Variants in TMTC2 observed in about 807,000 individuals in gnomAD.
TMTC2 encodes transmembrane O-mannosyltransferase targeting cadherins 2, also known as protein O-mannosyl-transferase TMTC2.
Under a neutral mutation model 82.4 loss-of-function variants are expected in TMTC2, and 43 were observed. The ratio of observed to expected loss-of-function variants is 0.52; its 90% CI spans 0.41 to 0.67. The LOEUF (loss-of-function observed/expected upper bound fraction) is 0.67. Ranked by LOEUF, TMTC2 falls within the 30% of genes least tolerant of loss-of-function variation. The probability of loss-of-function intolerance (pLI) is 0.00; values close to 1 mark genes in which losing one functional copy is unlikely to be tolerated. For missense variants in TMTC2, 919 were observed against 1,012.4 expected (o/e 0.91, Z 1.25); for synonymous variants, 408 against 381.9 (o/e 1.07, Z -0.80).
At chr12:82,996,142 G>A (rs1253383973) in intron 8 of TMTC2, among the ~76,000 whole-genome samples, 1 of 152,156 alleles carries the variant, frequency 6.6e-6, no homozygotes, top group East Asian at 1.9e-4. Context: ...TTTTAACATA[G>A]CTACTGGTAA....
At chr12:83,127,902 C>T (rs553177155) in intron 11 of TMTC2, among the ~76,000 whole-genome samples, 21 of 152,194 alleles carry the variant, frequency 1.4e-4, no homozygotes, top group Admixed American at 3.3e-4. Flanking sequence ...AAATCCCTAG[C>T]GACTTAAAAA....
At chr12:82,948,928 A>G (rs1877188970) in intron 4 of TMTC2, among the ~76,000 whole-genome samples, 2 of 151,754 alleles carry the variant, frequency 1.3e-5, no homozygotes, top group South Asian at 2.1e-4. Context: ...GTGGACTTCC[A>G]TAGTGTATCA....
chr12:83,035,455 ATGGAC>A (rs1881623943), intron 9 of TMTC2, among the ~76,000 whole-genome samples: 1 of 152,176 alleles, frequency 6.6e-6, no homozygotes, highest in East Asian at 1.9e-4. Flanking sequence ...AAAGATTGAC[ATGGAC>A]TCCAAAAATG....
intron 11 of TMTC2, among the ~76,000 whole-genome samples, chr12:83,092,058 CA>C (rs1883864738): frequency 6.6e-6 from 1 of 152,162 alleles, no homozygotes; most frequent in Non-Finnish European, 1.5e-5. Flanking sequence ...TATCATTTTT[CA>C]GGGGAAGGGA....
At chr12:82,875,977 AGTT>A (rs1346997814) in intron 2 of TMTC2, among the ~76,000 whole-genome samples, 5 of 120,590 alleles carry the variant, frequency 4.1e-5, no homozygotes, top group African/African-American at 9.9e-5. Flanking sequence ...TCTTGACCAG[AGTT>A]GTTGTTGGTG....
intron 8 of TMTC2, among the ~76,000 whole-genome samples, chr12:82,997,398 G>GTA (rs1248707722): frequency 0.055 from 2,458 of 44,372 alleles, 257 homozygotes; most frequent in African/African-American, 0.14. Flanking sequence ...ATATATATGT[G>GTA]TATATATATA....
intron 1 of TMTC2, among the ~76,000 whole-genome samples, chr12:82,852,396 C>T (rs973398762): frequency 2.0e-5 from 3 of 152,020 alleles, no homozygotes; most frequent in South Asian, 2.1e-4. Context: ...CGTGAGCCAC[C>T]GCGCCCGGCC....
chr12:83,127,772 G>C lies in TMTC2; in HGVS notation c.2332-4438G>C, dbSNP rs558504865. Among the ~76,000 whole-genome samples the C allele has an allele frequency of 3.9e-5, 6 of 152,136 alleles. 1 individual carries two copies. The highest frequency in any genetic ancestry group is 3.9e-4 in the Admixed American group (6 of 15,290). ...TCTCAAGGGCCTTAAACTAGAATCAGACCTCCATCATCTTGCCTTTGCTCT... is the reference window on the plus strand; with the variant it reads ...TCTCAAGGGCCTTAAACTAGAATCACACCTCCATCATCTTGCCTTTGCTCT... On this transcript the variant is annotated intron_variant, in intron 11 of 11. Transcript: ENST00000321196.
chr12:83,062,870 A>G (rs533293761), intron 11 of TMTC2, among the ~76,000 whole-genome samples: 2 of 151,912 alleles, frequency 1.3e-5, no homozygotes, highest in African/African-American at 4.8e-5. Context: ...TCTTTTCAGG[A>G]GATTCATCCA....
rs72110651 is a variant in TMTC2, at chr12:82,783,290, CTG to C, written c.84-73690_84-73689del. ...TGTTTTAACAAGAAGGTATATGCCT[CTG>C]TGTGTGTGTGTGTGTGTGTGTGTGT... is the stretch of plus-strand genomic sequence containing the variant. On this transcript the variant is annotated intron_variant, in intron 1 of 11. Transcript: ENST00000321196. Among the ~76,000 whole-genome samples the C allele has an allele frequency of 1.9e-3, 224 of 119,174 alleles. 1 individual carries two copies. The highest frequency in any genetic ancestry group is 2.5e-3 in the African/African-American group (78 of 31,256). 78.2% of individuals were successfully genotyped at this position (119,174 alleles called of 152,430 possible).
chr12:82,699,961 CTATATT>C (rs1448799007), intron 1 of TMTC2, among the ~76,000 whole-genome samples: 1 of 151,960 alleles, frequency 6.6e-6, no homozygotes, highest in Non-Finnish European at 1.5e-5. Context: ...TATAGGATGA[CTATATT>C]TATATAGTAC....
intron 8 of TMTC2, among the ~76,000 whole-genome samples, chr12:83,000,991 A>G (rs1016944017): frequency 1.3e-5 from 2 of 152,090 alleles, no homozygotes; most frequent in African/African-American, 4.8e-5. Context: ...GGGATAGGAC[A>G]TAGGACACCA....
intron 1 of TMTC2, among the ~76,000 whole-genome samples, chr12:82,835,709 C>G (rs2137081929): frequency 6.6e-6 from 1 of 152,240 alleles, no homozygotes. Context: ...TTATCGGTCA[C>G]TTGTTGGAGT....
intron 3 of TMTC2, among the ~76,000 whole-genome samples, chr12:82,902,101 C>T (rs1037802107): frequency 5.9e-5 from 9 of 152,224 alleles, no homozygotes; most frequent in South Asian, 2.1e-4. Context: ...CTTTCCCTTA[C>T]GGAGTTAGTG....
At chr12:83,114,145 T>C (rs1383561466) in intron 11 of TMTC2, among the ~76,000 whole-genome samples, 1 of 152,130 alleles carries the variant, frequency 6.6e-6, no homozygotes, top group Admixed American at 6.6e-5. Context: ...CCAGAATTCA[T>C]ACACTGAAAC....
intron 11 of TMTC2, among the ~76,000 whole-genome samples, chr12:83,129,208 T>G (rs1281074599): frequency 6.6e-6 from 1 of 152,218 alleles, no homozygotes; most frequent in Non-Finnish European, 1.5e-5. Flanking sequence ...TTGAATAATA[T>G]TCTTAAATAT....
intron 1 of TMTC2, among the ~76,000 whole-genome samples, chr12:82,708,367 T>C (rs914277156): frequency 5.3e-5 from 8 of 152,200 alleles, no homozygotes; most frequent in African/African-American, 1.9e-4. Context: ...GACTTAGAGA[T>C]GTAAAATTTT....
intron 1 of TMTC2, among the ~76,000 whole-genome samples, chr12:82,842,010 A>G (rs923495390): frequency 6.6e-6 from 1 of 152,222 alleles, no homozygotes; most frequent in Non-Finnish European, 1.5e-5. Flanking sequence ...AAAATGCAAT[A>G]ATAGACTGGG....
At chr12:82,748,738 G>A (rs1875819196) in intron 1 of TMTC2, among the ~76,000 whole-genome samples, 1 of 152,150 alleles carries the variant, frequency 6.6e-6, no homozygotes. Flanking sequence ...TTAGCAGGGT[G>A]TGGTGGTGCA....
Sources: allele counts gnomAD v4.1 joint callset (sites outside exome capture counted in the v4.1 genomes callset), GRCh38; gene constraint gnomAD v4.1.1; transcripts MANE v1.5; gene names NCBI Gene and HGNC (gene_info 2026-07-23, HGNC 2026-07-21).